The following UBR2 variants were observed in gnomAD, a reference collection of about 807,000 sequenced individuals.
UBR2 encodes E3 ubiquitin-protein ligase UBR2.
Under a neutral mutation model 247.9 loss-of-function variants are expected in UBR2, and 92 were observed. The observed-to-expected ratio is 0.37, with a 90% CI of 0.31 to 0.44. The LOEUF (loss-of-function observed/expected upper bound fraction) is 0.44. Ranked by LOEUF, UBR2 falls within the 20% of genes least tolerant of loss-of-function variation. The pLI is 1.00. For synonymous variants in UBR2, 672 were observed against 693.5 expected, an observed-to-expected ratio of 0.97 and a Z score of 0.49; for missense variants, 1,613 against 2,112.6, an observed-to-expected ratio of 0.76 and a Z score of 4.64.
At chr6:42,639,436 T>C (rs181767048) in intron 15 of UBR2, among the ~76,000 whole-genome samples, 129 of 152,114 alleles carry the variant, frequency 8.5e-4, no homozygotes, top group Middle Eastern at 3.4e-3. Context: ...CTACTAAAAA[T>C]AAAAAAATTA....
chr6:42,613,566 T>A lies in UBR2; in HGVS notation c.985+1275T>A, dbSNP rs183043804. 5.7e-3 allele frequency among the ~76,000 whole-genome samples: 865 copies of A among 152,028 alleles called. 10 individuals are homozygous for A. Among genetic ancestry groups the A allele is most frequent in the African/African-American group, 0.02 (823 of 41,492 alleles). ...AGGGAGACCCCATCTCTATCTAAAA[T>A]TTTTTTTAAAAGAAAATAAATATCT... On this transcript the variant is annotated intron_variant, in intron 8 of 46. Transcript: ENST00000372901.
chr6:42,679,970 C>G, intron 42 of UBR2, 138 bp downstream of exon 42: 1 of 599,746 alleles, frequency 1.7e-6, no homozygotes, highest in Non-Finnish European at 2.8e-6. Context: ...AATGGGTGGG[C>G]CTTTTGTTGT....
rs765157553 is a variant in UBR2 at position 42,606,601 on chromosome 6, G to A, written c.814G>A (p.Val272Ile). 6.2e-7 allele frequency: 1 copy of A among 1,609,644 alleles called. No individual in the cohort carries two copies. ...AATATCTTTACAGGGGCGTAGGTCT[G>A]TTCGATATGGAGATTTTCAGTATTG... ...TTVDRDGRRS[V>I]RYGDFQYCEQ... The change falls in exon 7 of 47, where the codon GTT becomes ATT. Residue 272 changes from valine (V) to isoleucine (I), a missense_variant. Val to Ile is a conservative substitution (Grantham distance 29). Around this residue, in one of 3 missense-constraint regions of UBR2, gnomAD observed 1,524 missense variants for 1,967.3 expected, o/e 0.77. Transcript: ENST00000372901.
At chr6:42,633,614 C>T (rs1317501934) in intron 13 of UBR2, among the ~76,000 whole-genome samples, 2 of 152,128 alleles carry the variant, frequency 1.3e-5, no homozygotes, top group Admixed American at 6.5e-5. Flanking sequence ...TGGTCTCGAA[C>T]TCCTGACCTC....
chr6:42,574,400 C>G (rs1009052463), intron 2 of UBR2, among the ~76,000 whole-genome samples: 2 of 152,138 alleles, frequency 1.3e-5, no homozygotes, highest in Non-Finnish European at 2.9e-5. Context: ...GTGCTTCTTT[C>G]CTTTCTGGCA....
intron 25 of UBR2, 69 bp from the exon 26 acceptor site, chr6:42,655,552 C>A: frequency 1.2e-6 from 1 of 826,674 alleles, no homozygotes; most frequent in Non-Finnish European, 1.8e-6. Flanking sequence ...TTCTTTTTTC[C>A]TATTTCTTAT....
Position 42,629,773 on chromosome 6 carries a change from CAA to C in UBR2, c.1282-2778_1282-2777del, listed in dbSNP as rs569884794. Reference sequence around the variant, plus strand: ...GAAAATTACTTTGAAAGGTTAGCAACAATTTCTTAGCATAAGGTGATAAAGCT... The same window carrying C: ...GAAAATTACTTTGAAAGGTTAGCAACTTTCTTAGCATAAGGTGATAAAGCT... On this transcript the variant is annotated intron_variant, in intron 11 of 46. Transcript: ENST00000372901. 2.7e-3 allele frequency among the ~76,000 whole-genome samples: 406 copies of C among 152,254 alleles called. 2 individuals are homozygous for C. Among genetic ancestry groups the C allele is most frequent in the African/African-American group, 9.4e-3 (391 of 41,552 alleles).
intron 7 of UBR2, among the ~76,000 whole-genome samples, chr6:42,608,474 T>A (rs778759290): frequency 4.6e-5 from 7 of 151,916 alleles, no homozygotes; most frequent in Admixed American, 2.0e-4. Context: ...AAAAAAAATT[T>A]AAAAAATTAG....
At chr6:42,658,486 T>A (rs1797571818) in intron 28 of UBR2, 160 bp from the exon 29 acceptor site, 1 of 1,107,232 alleles carries the variant, frequency 9.0e-7, no homozygotes, top group African/African-American at 1.7e-5. Flanking sequence ...TCTGCTTTTT[T>A]TCTTTAAAAC....
chr6:42,621,079 G>A lies in UBR2; in HGVS notation c.1281+3572G>A, dbSNP rs532926656. Among the ~76,000 whole-genome samples, 92 of 152,114 alleles carry A rather than the reference G, an allele frequency of 6.0e-4. 1 individual carries two copies. In the South Asian group the frequency reaches 0.017, roughly 28 times the overall value. ...CTCAGGTGATCCACCGCACCCGGCC[G>A]TACTTTTTGTATATTGTTTAAACAA... On this transcript the variant is annotated intron_variant, in intron 11 of 46. Transcript: ENST00000372901.
rs1203258505 is a variant in UBR2, at chr6:42,689,713, C to G, written c.5126+43C>G. ...GTTAGCTAACTCAGGGCCTGCAGCG[C>G]CCTTCCGTATGTGGTGACGTCCTGA... On this transcript the variant is annotated intron_variant, in intron 46 of 46. Transcript: ENST00000372901. The surrounding 1 kb of genome is among the most constrained non-coding windows in gnomAD (Gnocchi z 4.0). The G allele has an allele frequency of 1.3e-5, 20 of 1,549,122 alleles. No individual in the cohort carries two copies. The East Asian group carries it at 4.5e-4, about 35-fold the overall frequency.
At chr6:42,614,767 A>G (rs1314628595) in intron 8 of UBR2, among the ~76,000 whole-genome samples, 1 of 150,214 alleles carries the variant, frequency 6.7e-6, no homozygotes, top group Non-Finnish European at 1.5e-5. Context: ...TTGAAGAACA[A>G]TATTAAGTGG....
At chr6:42,607,471 C>G (rs941212228) in intron 7 of UBR2, among the ~76,000 whole-genome samples, 1 of 151,744 alleles carries the variant, frequency 6.6e-6, no homozygotes, top group Non-Finnish European at 1.5e-5. Flanking sequence ...CCTCAAATTT[C>G]TTTTAAATAT....
intron 21 of UBR2, among the ~76,000 whole-genome samples, chr6:42,646,826 G>T (rs2894477): frequency 0.14 from 20,304 of 147,112 alleles, 1,661 homozygotes; most frequent in East Asian, 0.24. Context: ...TATATAGAGA[G>T]AGAGAGAGAG....
At chr6:42,690,953 G>A (rs1416363274) in intron 46 of UBR2, 79 bp from the exon 47 acceptor site, 1 of 1,552,902 alleles carries the variant, frequency 6.4e-7, no homozygotes, top group Non-Finnish European at 8.7e-7. Flanking sequence ...TTGTAACCTT[G>A]CCTAAATCAG....
At chr6:42,611,875 C>G (rs1298465548) in intron 7 of UBR2, among the ~76,000 whole-genome samples, 1 of 150,144 alleles carries the variant, frequency 6.7e-6, no homozygotes, top group Non-Finnish European at 1.5e-5. Context: ...CCACTGCACT[C>G]CAGCCTGGGT....
At chr6:42,602,012 G>A (rs1041353229) in intron 4 of UBR2, among the ~76,000 whole-genome samples, 1 of 95,106 alleles carries the variant, frequency 1.1e-5, no homozygotes, top group Admixed American at 9.8e-5. Context: ...TGGGATTACA[G>A]GCACCACCAC....
chr6:42,681,051 T>A (rs1188102842), intron 42 of UBR2, among the ~76,000 whole-genome samples: 1 of 151,088 alleles, frequency 6.6e-6, no homozygotes, highest in Non-Finnish European at 1.5e-5. Context: ...TAATCCCAGC[T>A]ACTCGGGAGG....
At chr6:42,686,976 C>T (rs1799453767) in intron 44 of UBR2, among the ~76,000 whole-genome samples, 1 of 151,328 alleles carries the variant, frequency 6.6e-6, no homozygotes, top group Non-Finnish European at 1.5e-5. Flanking sequence ...GGCGGCCGGG[C>T]AGAGACGCTC....
Sources: allele counts gnomAD v4.1 joint callset (sites outside exome capture counted in the v4.1 genomes callset), GRCh38; gene constraint gnomAD v4.1.1; regional missense constraint gnomAD v4.1.1; non-coding constraint Gnocchi (gnomAD v3.1); transcripts MANE v1.5; gene names NCBI Gene and HGNC (gene_info 2026-07-23, HGNC 2026-07-21).